The following TMEM135 variants were observed in gnomAD, a reference collection of about 807,000 sequenced individuals.
The protein encoded by TMEM135 is transmembrane protein 135.
Under a neutral mutation model 60.3 loss-of-function variants are expected in TMEM135, and 30 were observed. The observed-to-expected ratio is 0.50, with a 90% CI of 0.37 to 0.68. TMEM135 has a LOEUF of 0.68. Among genes scored for constraint, TMEM135 ranks in the 30% least tolerant of loss-of-function variants. TMEM135 has a pLI of 0.00. For missense variants in TMEM135, 468 were observed against 548.8 expected (o/e 0.85, Z 1.47); for synonymous variants, 190 against 186.7 (o/e 1.02, Z -0.14).
chr11:87,187,341 A>G (rs1939677863), intron 5 of TMEM135, among the ~76,000 whole-genome samples: 2 of 152,316 alleles, frequency 1.3e-5, no homozygotes, highest in African/African-American at 2.4e-5. Flanking sequence ...ACCTGAGGCC[A>G]GATTCTGATT....
chr11:87,174,395 A>G (rs1939317523), intron 5 of TMEM135, among the ~76,000 whole-genome samples: 1 of 152,170 alleles, frequency 6.6e-6, no homozygotes, highest in Non-Finnish European at 1.5e-5. Context: ...AATGTTCCTG[A>G]TAACTTTTTC....
chr11:87,043,463 C>T (rs1031490620), intron 1 of TMEM135, among the ~76,000 whole-genome samples: 5 of 151,932 alleles, frequency 3.3e-5, no homozygotes, highest in African/African-American at 1.2e-4. Flanking sequence ...CGGTGTCTGA[C>T]GCCTGTAATC....
chr11:87,202,007 T>TATGTTATGTA (rs1555117415), intron 5 of TMEM135, among the ~76,000 whole-genome samples: 77 of 63,634 alleles, frequency 1.2e-3, no homozygotes, highest in Admixed American at 2.9e-3. Context: ...TATGTTATGT[T>TATGTTATGTA]ATGTAATGTT....
chr11:87,174,692 C>T (rs1057305218), intron 5 of TMEM135, among the ~76,000 whole-genome samples: 2 of 152,088 alleles, frequency 1.3e-5, no homozygotes, highest in African/African-American at 2.4e-5. Context: ...GTCATGTCAT[C>T]GATAGCTCCT....
At chr11:87,242,812 C>T (rs951196080) in intron 6 of TMEM135, among the ~76,000 whole-genome samples, 6 of 146,816 alleles carry the variant, frequency 4.1e-5, no homozygotes, top group African/African-American at 1.5e-4. Context: ...TGCCTGTTCA[C>T]TCTGATGGTA....
intron 1 of TMEM135, among the ~76,000 whole-genome samples, chr11:87,063,848 G>A (rs1209261253): frequency 6.6e-6 from 1 of 152,150 alleles, no homozygotes; most frequent in African/African-American, 2.4e-5. Context: ...TACAATTTAT[G>A]TACTTTACTG....
At chr11:87,186,575 C>T (rs968719124) in intron 5 of TMEM135, among the ~76,000 whole-genome samples, 2 of 152,096 alleles carry the variant, frequency 1.3e-5, no homozygotes, top group Non-Finnish European at 2.9e-5. Flanking sequence ...AAATCTGTTA[C>T]TTACAATAAA....
intron 6 of TMEM135, among the ~76,000 whole-genome samples, chr11:87,264,391 TAACATTATTAGTCA>T (rs1941711439): frequency 2.0e-5 from 3 of 151,798 alleles, no homozygotes; most frequent in African/African-American, 7.2e-5. Context: ...CTATGGCACC[TAACATTATTAGTCA>T]TGTCATTTTA....
rs749450876 is a variant in TMEM135 at position 87,038,017 on chromosome 11, C to G, written c.-29C>G. ...TCCCTGCAGGGCTCAGGCTCTCCCC[C>G]TCCTGTCTTCTCCGCGCTGTTCCTC... is the stretch of plus-strand genomic sequence containing the variant. On this transcript the variant is annotated 5_prime_UTR_variant, in exon 1 of 15. Transcript: ENST00000305494. 2.6e-5 allele frequency: 42 copies of G among 1,613,268 alleles called. No homozygotes were observed. The highest frequency in any genetic ancestry group is 9.3e-5 in the African/African-American group (7 of 75,080).
chr11:87,078,482 G>C (rs1009190153), intron 3 of TMEM135, among the ~76,000 whole-genome samples: 5 of 152,022 alleles, frequency 3.3e-5, no homozygotes, highest in African/African-American at 1.2e-4. Flanking sequence ...TAATTTTCTT[G>C]CCAGATATAA....
chr11:87,180,359 C>G (rs191603217), intron 5 of TMEM135, among the ~76,000 whole-genome samples: 44 of 152,168 alleles, frequency 2.9e-4, no homozygotes, highest in African/African-American at 9.9e-4. Context: ...TTTTTTCCCC[C>G]CTTTCTTGCC....
intron 5 of TMEM135, among the ~76,000 whole-genome samples, chr11:87,167,799 G>C (rs1321987756): frequency 1.3e-5 from 2 of 152,070 alleles, no homozygotes; most frequent in Non-Finnish European, 2.9e-5. Flanking sequence ...GCCACGTTTT[G>C]GTATCAGGAT....
At chr11:87,117,145 A>G (rs1314569449) in intron 4 of TMEM135, among the ~76,000 whole-genome samples, 1 of 152,150 alleles carries the variant, frequency 6.6e-6, no homozygotes, top group Non-Finnish European at 1.5e-5. Context: ...AAAACAAAGT[A>G]CACACATTAA....
rs543357372 is a variant in TMEM135 at position 87,170,333 on chromosome 11, A to G, written c.462+12927A>G. On this transcript the variant is annotated intron_variant, in intron 5 of 14. Coordinates refer to ENST00000305494, the MANE Select transcript of TMEM135 (RefSeq NM_022918.4). ...TGTCCAGTTTTGTTTCCTTCTGGCC[A>G]GGAGTTGTGATCCTTTGGAGGAGAA... 5.9e-5 allele frequency among the ~76,000 whole-genome samples: 9 copies of G among 152,086 alleles called. No homozygotes were observed. The South Asian group carries it at 1.9e-3, about 32-fold the overall frequency.
chr11:87,163,313 T>G (rs1938943480), intron 5 of TMEM135, among the ~76,000 whole-genome samples: 1 of 144,958 alleles, frequency 6.9e-6, no homozygotes, highest in Admixed American at 7.0e-5. Context: ...TTGCGATAGT[T>G]TACTGAGAAT....
In TMEM135 at chr11:87,274,266, G is replaced by T. The variant is rs150837980; in HGVS notation, c.510-21516G>T. Among the ~76,000 whole-genome samples the T allele has an allele frequency of 2.2e-5, 3 of 137,122 alleles. No homozygotes were observed. In the East Asian group the frequency reaches 5.8e-4, roughly 27 times the overall value. 90.0% of individuals were successfully genotyped at this position (137,122 alleles called of 152,430 possible). ...TGCCATCTATTCCCTTTACTGGTAG[G>T]CAAAGCTAAATTGGTAACTTAAATC... On this transcript the variant is annotated intron_variant, in intron 6 of 14. Transcript: ENST00000305494.
At chr11:87,290,528 C>T (rs1465786277) in intron 6 of TMEM135, among the ~76,000 whole-genome samples, 1 of 152,144 alleles carries the variant, frequency 6.6e-6, no homozygotes, top group Non-Finnish European at 1.5e-5. Context: ...ATGACTATCT[C>T]ATGAAAGTAA....
intron 5 of TMEM135, among the ~76,000 whole-genome samples, chr11:87,160,972 T>C (rs75727481): frequency 0.099 from 15,085 of 152,184 alleles, 774 homozygotes; most frequent in African/African-American, 0.11. Flanking sequence ...CAATCTAGGC[T>C]CACTGCAACC....
Position 87,284,241 on chromosome 11 carries a change from A to C in TMEM135, c.510-11541A>C, listed in dbSNP as rs147937327. Among the ~76,000 whole-genome samples, 717 of 152,298 alleles carry C rather than the reference A, an allele frequency of 4.7e-3. 12 individuals are homozygous for C. The highest frequency in any genetic ancestry group is 0.016 in the African/African-American group (685 of 41,564). On this transcript the variant is annotated intron_variant, in intron 6 of 14. Coordinates refer to ENST00000305494, the MANE Select transcript of TMEM135 (RefSeq NM_022918.4). ...ACCACAATCTGCTCCTTTTACAACT[A>C]TTTTAAAGTTTGACTAGTGTTACTA...
Sources: allele counts gnomAD v4.1 joint callset (sites outside exome capture counted in the v4.1 genomes callset), GRCh38; gene constraint gnomAD v4.1.1; transcripts MANE v1.5; gene names NCBI Gene and HGNC (gene_info 2026-07-23, HGNC 2026-07-21).